PCDHGA7: variants seen among roughly 807,000 people sequenced by gnomAD.
PCDHGA7 encodes the protein protocadherin gamma-A7.
A neutral mutation model predicts 58.3 loss-of-function variants in PCDHGA7; 44 were observed. The observed-to-expected ratio is 0.75, with a 90% CI of 0.59 to 0.97. PCDHGA7 has a LOEUF of 0.97. Ranked by LOEUF, PCDHGA7 falls within the 50% of genes least tolerant of loss-of-function variation. The pLI, the probability that PCDHGA7 is intolerant of heterozygous loss-of-function variation, is 0.00. For synonymous variants in PCDHGA7, 516 were observed against 504.2 expected, an observed-to-expected ratio of 1.02 and a Z score of -0.31; for missense variants, 1,266 against 1,188.7, an observed-to-expected ratio of 1.06 and a Z score of -0.96.
chr5:141,408,082 G>A, intron 1 of PCDHGA7: 1 of 1,417,366 alleles, frequency 7.1e-7, no homozygotes, highest in Non-Finnish European at 9.3e-7. Context: ...TCCCAGCACA[G>A]CGGATTGCCA....
At chr5:141,410,471 G>GC in intron 1 of PCDHGA7, 1 of 1,613,988 alleles carries the variant, frequency 6.2e-7, no homozygotes, top group Non-Finnish European at 8.5e-7. Flanking sequence ...TCTGTGCATT[G>GC]CACATACGGG....
At chr5:141,437,047 G>C (rs2097860477) in intron 1 of PCDHGA7, among the ~76,000 whole-genome samples, 1 of 152,214 alleles carries the variant, frequency 6.6e-6, no homozygotes, top group Admixed American at 6.5e-5. Context: ...AAACCAGAAG[G>C]CTGGTGATCA....
intron 1 of PCDHGA7, chr5:141,427,796 C>A: frequency 6.7e-7 from 1 of 1,502,108 alleles, no homozygotes; most frequent in Non-Finnish European, 9.2e-7. Flanking sequence ...CCTACGTGTC[C>A]GTGAGCGCAC....
At position 141,431,034 on chromosome 5, in the gene PCDHGA7, G is replaced by C. The variant is rs372312860; in HGVS notation, c.2424+45711G>C. 2.5e-6 allele frequency: 4 copies of C among 1,613,992 alleles called. No homozygotes were observed. The highest frequency in any genetic ancestry group is 2.7e-5 in the African/African-American group (2 of 74,938). On this transcript the variant is annotated intron_variant, in intron 1 of 3. Coordinates refer to ENST00000518325, the MANE Select transcript of PCDHGA7 (RefSeq NM_018920.4). The surrounding 1 kb of genome is among the most constrained non-coding windows in gnomAD (Gnocchi z 4.8). ...TTGGTCACGGCGGGCAGGATAGACC[G>C]GGAGGAGCTCTGTATGGGGGCCATC...
chr5:141,457,649 A>C (rs1303184316), intron 1 of PCDHGA7, among the ~76,000 whole-genome samples: 1 of 152,282 alleles, frequency 6.6e-6, no homozygotes, highest in Non-Finnish European at 1.5e-5. Context: ...TATTTGCATG[A>C]AGTGCAGCAA....
intron 1 of PCDHGA7, chr5:141,392,749 A>G (rs2092584642): frequency 6.9e-7 from 1 of 1,449,652 alleles, no homozygotes; most frequent in Admixed American, 2.8e-5. Flanking sequence ...AGCTGCGGCA[A>G]GAAACTAAAT....
chr5:141,402,563 T>C (rs2094279860), intron 1 of PCDHGA7, among the ~76,000 whole-genome samples: 1 of 152,232 alleles, frequency 6.6e-6, no homozygotes, highest in African/African-American at 2.4e-5. Flanking sequence ...TTCCACTTTA[T>C]TTACAACTCA....
chr5:141,415,740 G>GTTTTTTTTTTTTTTTTTTTTTTT (rs57426385), intron 1 of PCDHGA7: 14 of 625,046 alleles, frequency 2.2e-5, no homozygotes, highest in East Asian at 1.4e-4. Flanking sequence ...GTTTATTAAG[G>GTTTTTTTTTTTTTTTTTTTTTTT]TTTTTTTTTT....
At chr5:141,444,804 A>G (rs140326088) in intron 1 of PCDHGA7, among the ~76,000 whole-genome samples, 1 of 152,250 alleles carries the variant, frequency 6.6e-6, no homozygotes, top group Non-Finnish European at 1.5e-5. Flanking sequence ...TCTTTTACTA[A>G]TAGCACACTG....
In PCDHGA7 at chr5:141,491,958, A is replaced by C; in HGVS notation, c.2425-2849A>C. The C allele has an allele frequency of 2.0e-6, 2 of 999,758 alleles. No homozygotes were observed. Among genetic ancestry groups the C allele is most frequent in the Non-Finnish European group, 2.8e-6 (2 of 718,534 alleles). The allele number at this position is 999,758 out of a possible 1,614,324, so 61.9% of individuals were successfully genotyped here. The stretch of plus-strand genomic sequence containing the variant: ...ACCGACCCCCACCCCTACACTCAAA[A>C]AAGGCCGGGGCCTCCTTCGAGCTTC... On this transcript the variant is annotated intron_variant, in intron 1 of 3. Coordinates refer to ENST00000518325, the MANE Select transcript of PCDHGA7 (RefSeq NM_018920.4). The surrounding 1 kb of genome is among the most constrained non-coding windows in gnomAD (Gnocchi z 6.9).
chr5:141,385,104 G>A lies in PCDHGA7; in HGVS notation c.2205G>A (p.Val735=). ...CTTCAGAAGGTGGCTTGGCGAACGT[G>A]CCCACCTCGCACTTTGTGGGCATGG... ...LQASEGGLAN[V]PTSHFVGMDG... Residue 735 remains valine (V), a synonymous_variant, in exon 1 of 4, where the codon GTG becomes GTA. Coordinates refer to ENST00000518325, the MANE Select transcript of PCDHGA7 (RefSeq NM_018920.4). 6.2e-7 allele frequency: 1 copy of A among 1,614,192 alleles called. No homozygotes were observed. The highest frequency in any genetic ancestry group is 8.5e-7 in the Non-Finnish European group (1 of 1,180,042).
chr5:141,414,475 C>T (rs2095752413), intron 1 of PCDHGA7: 1 of 1,613,804 alleles, frequency 6.2e-7, no homozygotes, highest in Non-Finnish European at 8.5e-7. Flanking sequence ...TGGGGGAAGT[C>T]CTCCTCTATC....
chr5:141,427,892 C>G (rs752723370), intron 1 of PCDHGA7: 2 of 1,567,044 alleles, frequency 1.3e-6, no homozygotes, highest in African/African-American at 2.7e-5. Context: ...ACGACCAGGG[C>G]TCGCCCGCGC....
intron 1 of PCDHGA7, among the ~76,000 whole-genome samples, chr5:141,470,268 G>A (rs1349444076): frequency 6.6e-6 from 1 of 152,082 alleles, no homozygotes; most frequent in East Asian, 1.9e-4. Flanking sequence ...GGAGATACAT[G>A]TTTGTTTGAT....
intron 1 of PCDHGA7, among the ~76,000 whole-genome samples, chr5:141,437,629 G>A (rs538730617): frequency 6.6e-6 from 1 of 152,284 alleles, no homozygotes; most frequent in Non-Finnish European, 1.5e-5. Flanking sequence ...CATATAAGAT[G>A]TCAGGTTCAG....
intron 1 of PCDHGA7, among the ~76,000 whole-genome samples, chr5:141,449,290 G>A (rs1255760925): frequency 1.3e-5 from 2 of 151,934 alleles, no homozygotes; most frequent in Admixed American, 6.6e-5. Context: ...CGGATGCACC[G>A]GGTGAATTAT....
chr5:141,495,199 G>A (rs1205495643), intron 2 of PCDHGA7, among the ~76,000 whole-genome samples: 1 of 152,164 alleles, frequency 6.6e-6, no homozygotes, highest in African/African-American at 2.4e-5. Context: ...CCCATGTACT[G>A]CCTAACCCCC....
rs553587727 is a variant in PCDHGA7, at chr5:141,419,523, G to A, written c.2424+34200G>A. The A allele has an allele frequency of 2.1e-4, 343 of 1,612,204 alleles. 3 individuals are homozygous for A. The South Asian group carries it at 3.5e-3, about 17-fold the overall frequency. ...AGCCTGCGCGTGTTGGTGGGCGACC[G>A]TAACGACAACGCACCGCGGGTGCTG... On this transcript the variant is annotated intron_variant, in intron 1 of 3. Coordinates refer to ENST00000518325, the MANE Select transcript of PCDHGA7 (RefSeq NM_018920.4).
At chr5:141,410,715 GTT>G (rs2154543204) in intron 1 of PCDHGA7, 19 of 1,422,782 alleles carry the variant, frequency 1.3e-5, no homozygotes, top group Non-Finnish European at 1.8e-5. Context: ...AGAATCATAT[GTT>G]TAAAATCCAT....
Sources: gnomAD v4.1 joint callset for allele counts (sites outside exome capture counted in the v4.1 genomes callset) on GRCh38, gnomAD v4.1.1 for gene constraint, Gnocchi (gnomAD v3.1) non-coding constraint, MANE v1.5 for transcripts, NCBI Gene and HGNC (gene_info 2026-07-23, HGNC 2026-07-21) for gene names.